ZMAT4: variants seen among roughly 807,000 people sequenced by gnomAD.
The protein encoded by ZMAT4 is zinc finger matrin-type 4.
ZMAT4 carries 17 observed loss-of-function variants against 28.7 expected under a neutral mutation model. The ratio of observed to expected loss-of-function variants is 0.59; its 90% CI spans 0.41 to 0.89. ZMAT4 has a LOEUF of 0.89. ZMAT4 is among the 40% of genes least tolerant of loss of function. ZMAT4 has a pLI of 0.00. For synonymous variants in ZMAT4, 117 were observed against 109.2 expected, an observed-to-expected ratio of 1.07 and a Z score of -0.44; for missense variants, 240 against 283.8, an observed-to-expected ratio of 0.85 and a Z score of 1.11.
At chr8:40,782,150 G>A (rs1813861441) in intron 2 of ZMAT4, among the ~76,000 whole-genome samples, 1 of 152,162 alleles carries the variant, frequency 6.6e-6, no homozygotes, top group Non-Finnish European at 1.5e-5. Flanking sequence ...CATTTTGGGA[G>A]GCTGAGGTGG....
At chr8:40,695,768 A>ATTTTTTT (rs756360990) in intron 4 of ZMAT4, among the ~76,000 whole-genome samples, 5 of 58,468 alleles carry the variant, frequency 8.6e-5, no homozygotes, top group African/African-American at 2.7e-4. Context: ...CCATGTGGCA[A>ATTTTTTT]TTTTTTTTTT....
At chr8:40,841,979 G>A (rs1816717694) in intron 1 of ZMAT4, among the ~76,000 whole-genome samples, 1 of 152,196 alleles carries the variant, frequency 6.6e-6, no homozygotes, top group Non-Finnish European at 1.5e-5. Context: ...ACATTCCAGT[G>A]TCTAGAGCCA....
chr8:40,616,981 T>A (rs1463992486), intron 5 of ZMAT4, among the ~76,000 whole-genome samples: 1 of 151,270 alleles, frequency 6.6e-6, no homozygotes, highest in East Asian at 1.9e-4. Context: ...GGACACATAA[T>A]CATTCTCACT....
chr8:40,698,426 C>A (rs1477688318), intron 3 of ZMAT4, among the ~76,000 whole-genome samples: 1 of 152,130 alleles, frequency 6.6e-6, no homozygotes, highest in East Asian at 1.9e-4. Flanking sequence ...GAGGGCAGAA[C>A]AGACTTTTAA....
intron 1 of ZMAT4, among the ~76,000 whole-genome samples, chr8:40,833,207 C>T (rs990683510): frequency 6.6e-6 from 1 of 150,466 alleles, no homozygotes; most frequent in Non-Finnish European, 1.5e-5. Flanking sequence ...TAATGCAGTG[C>T]TGGTTGCCGT....
intron 2 of ZMAT4, among the ~76,000 whole-genome samples, chr8:40,822,474 C>T (rs1815865607): frequency 6.6e-6 from 1 of 152,202 alleles, no homozygotes; most frequent in Admixed American, 6.5e-5. Context: ...GAATTTCGAT[C>T]TCCTAGAGAC....
intron 2 of ZMAT4, among the ~76,000 whole-genome samples, chr8:40,783,241 C>T (rs1453971035): frequency 6.6e-6 from 1 of 152,218 alleles, no homozygotes; most frequent in Non-Finnish European, 1.5e-5. Flanking sequence ...ATGAAACTCT[C>T]ACACATGCTA....
chr8:40,604,255 T>C (rs1315942188), intron 5 of ZMAT4, among the ~76,000 whole-genome samples: 1 of 152,332 alleles, frequency 6.6e-6, no homozygotes, highest in African/African-American at 2.4e-5. Flanking sequence ...TCTAGTACTA[T>C]GTTAAATAGA....
chr8:40,605,819 T>C (rs1399562385), intron 5 of ZMAT4, among the ~76,000 whole-genome samples: 1 of 152,182 alleles, frequency 6.6e-6, no homozygotes, highest in East Asian at 1.9e-4. Flanking sequence ...GATCTAGTAG[T>C]AATTGTTTTG....
intron 3 of ZMAT4, among the ~76,000 whole-genome samples, chr8:40,767,116 T>A (rs1399111682): frequency 6.6e-6 from 1 of 152,206 alleles, no homozygotes; most frequent in Non-Finnish European, 1.5e-5. Context: ...TCAAAGCGAC[T>A]TTATAATTGT....
At chr8:40,532,311 AC>A in intron 6 of ZMAT4, 73 bp from the exon 7 acceptor site, 5 of 1,319,304 alleles carry the variant, frequency 3.8e-6, no homozygotes, top group South Asian at 1.5e-5. Flanking sequence ...TCTCCCCCCC[AC>A]CCCCTGTCTC....
chr8:40,627,441 C>T (rs1806417420), intron 5 of ZMAT4, among the ~76,000 whole-genome samples: 1 of 152,092 alleles, frequency 6.6e-6, no homozygotes, highest in Non-Finnish European at 1.5e-5. Flanking sequence ...TGTTCATGTG[C>T]ATATATATAA....
rs904500562 is a variant in ZMAT4 at position 40,774,342 on chromosome 8, G to A, written c.103-6612C>T. On this transcript the variant is annotated intron_variant, in intron 2 of 6. Transcript: ENST00000297737. Reference sequence around the variant, plus strand: ...ATGTGTTTCTTTCTCCCATCAAATTGGCAAGGATTTACAAAATATATATAT... The same window carrying A: ...ATGTGTTTCTTTCTCCCATCAAATTAGCAAGGATTTACAAAATATATATAT... Among the ~76,000 whole-genome samples the A allele has an allele frequency of 3.9e-5, 6 of 152,180 alleles. No individual in the cohort carries two copies. The South Asian group carries it at 1.2e-3, about 32-fold the overall frequency.
At chr8:40,841,058 G>A (rs189877360) in intron 1 of ZMAT4, among the ~76,000 whole-genome samples, 6 of 152,314 alleles carry the variant, frequency 3.9e-5, no homozygotes, top group East Asian at 3.9e-4. Flanking sequence ...GGATGCTGGC[G>A]TCAGGGGCAA....
chr8:40,684,415 A>G (rs960125983), intron 4 of ZMAT4, among the ~76,000 whole-genome samples: 2 of 152,188 alleles, frequency 1.3e-5, no homozygotes, highest in African/African-American at 2.4e-5. Context: ...GGCACTCCCA[A>G]TGCCCACTGC....
At chr8:40,800,851 GA>G (rs1238493803) in intron 2 of ZMAT4, among the ~76,000 whole-genome samples, 3 of 151,658 alleles carry the variant, frequency 2.0e-5, no homozygotes, top group African/African-American at 7.2e-5. Flanking sequence ...AGAAAGAGAA[GA>G]AAAAAATTAA....
intron 4 of ZMAT4, among the ~76,000 whole-genome samples, chr8:40,691,870 A>C (rs201164942): frequency 6.6e-6 from 1 of 152,178 alleles, no homozygotes. Flanking sequence ...GTCTGACTTC[A>C]CAGCCTCTGT....
chr8:40,598,813 A>C (rs1416122365), intron 5 of ZMAT4, among the ~76,000 whole-genome samples: 5 of 103,174 alleles, frequency 4.8e-5, no homozygotes, highest in Non-Finnish European at 1.1e-4. Flanking sequence ...TACTTCCTTA[A>C]TGTTCCAAAT....
At position 40,696,242 on chromosome 8, in the gene ZMAT4, T is replaced by A. The variant is rs747525063; in HGVS notation, c.349+1003A>T. 6.6e-5 allele frequency among the ~76,000 whole-genome samples: 10 copies of A among 152,182 alleles called. 1 individual carries two copies. Among genetic ancestry groups the A allele is most frequent in the Non-Finnish European group, 1.3e-4 (9 of 68,020 alleles). On this transcript the variant is annotated intron_variant, in intron 4 of 6. Coordinates refer to ENST00000297737, the MANE Select transcript of ZMAT4 (RefSeq NM_024645.3). ...AAATAGAAAAATACAGTAAAATGAT[T>A]CCTTGTGATTCTCTAGGTAAAAGAA...
Sources: gnomAD v4.1 joint callset for allele counts (sites outside exome capture counted in the v4.1 genomes callset) on GRCh38, gnomAD v4.1.1 for gene constraint, MANE v1.5 for transcripts, NCBI Gene and HGNC (gene_info 2026-07-23, HGNC 2026-07-21) for gene names.